The following CDH23 variants were observed in gnomAD, a reference collection of about 807,000 sequenced individuals.
CDH23 encodes cadherin related 23.
A neutral mutation model predicts 317.1 loss-of-function variants in CDH23; 189 were observed. That is an observed-to-expected ratio of 0.60 (90% CI 0.53 to 0.67). The LOEUF is 0.67. Among genes scored for constraint, CDH23 ranks in the 30% least tolerant of loss-of-function variants. CDH23 has a pLI of 0.00. For synonymous variants in CDH23, 1,839 were observed against 1,876.8 expected (o/e 0.98, Z 0.52); for missense variants, 4,401 against 4,592.4 (o/e 0.96, Z 1.20).
At chr10:71,578,420 G>A (rs947849330) in intron 9 of CDH23, among the ~76,000 whole-genome samples, 1 of 152,170 alleles carries the variant, frequency 6.6e-6, no homozygotes, top group Non-Finnish European at 1.5e-5. Flanking sequence ...AACAAACGGA[G>A]CTGCAACTAC....
intron 28 of CDH23, among the ~76,000 whole-genome samples, chr10:71,720,897 G>A (rs1021369959): frequency 6.6e-6 from 1 of 152,218 alleles, no homozygotes; most frequent in African/African-American, 2.4e-5. Context: ...CCTGTGCTGG[G>A]TGGGCAGGGG....
At chr10:71,441,445 A>G (rs1849875510) in intron 2 of CDH23, among the ~76,000 whole-genome samples, 1 of 152,156 alleles carries the variant, frequency 6.6e-6, no homozygotes, top group South Asian at 2.1e-4. Context: ...TTGGCCCGGC[A>G]TGGTGGCTCT....
In CDH23 at chr10:71,740,803, G is replaced by A. The variant is rs1839712910; in HGVS notation, c.4489-19G>A. 2 of 1,613,600 alleles carry A rather than the reference G, an allele frequency of 1.2e-6. No homozygotes were observed. The highest frequency in any genetic ancestry group is 1.7e-6 in the Non-Finnish European group (2 of 1,179,816). ...CCGCCACGCTTTAGCCCTGACTCCA[G>A]TTGCCCTCCTCCTTGCAGGTTGTGG... is the stretch of plus-strand genomic sequence containing the variant. On this transcript the variant is annotated intron_variant, in intron 36 of 69. Transcript: ENST00000224721.
At chr10:71,591,678 G>A (rs1859502870) in intron 9 of CDH23, among the ~76,000 whole-genome samples, 1 of 152,190 alleles carries the variant, frequency 6.6e-6, no homozygotes, top group African/African-American at 2.4e-5. Flanking sequence ...TGGGAGGCTG[G>A]CATCCACATG....
intron 50 of CDH23, among the ~76,000 whole-genome samples, chr10:71,798,871 A>C (rs1265534232): frequency 6.6e-6 from 1 of 152,142 alleles, no homozygotes; most frequent in Non-Finnish European, 1.5e-5. Flanking sequence ...GAGGTGTCTC[A>C]GGTCCTGGGC....
intron 9 of CDH23, among the ~76,000 whole-genome samples, chr10:71,580,460 A>G (rs964720063): frequency 2.6e-5 from 4 of 152,352 alleles, no homozygotes; most frequent in Non-Finnish European, 5.9e-5. Context: ...CACTGCCAGC[A>G]CAGATGTGTC....
intron 9 of CDH23, among the ~76,000 whole-genome samples, chr10:71,608,913 G>T (rs780190811): frequency 3.9e-5 from 6 of 152,200 alleles, no homozygotes; most frequent in Admixed American, 6.5e-5. Flanking sequence ...AAGAGCAGAG[G>T]CAGGACTCAG....
At chr10:71,650,884 G>T (rs909954591) in intron 14 of CDH23, among the ~76,000 whole-genome samples, 2 of 152,228 alleles carry the variant, frequency 1.3e-5, no homozygotes, top group Admixed American at 6.5e-5. Context: ...GGCCTGGCAG[G>T]GTTTGTGGGC....
chr10:71,501,138 G>C (rs760675885), intron 3 of CDH23, among the ~76,000 whole-genome samples: 37 of 152,186 alleles, frequency 2.4e-4, no homozygotes, highest in Admixed American at 1.0e-3. Flanking sequence ...AAAGTGCTGG[G>C]ATTACAAGGC....
At chr10:71,653,573 C>T (rs1021929323) in intron 14 of CDH23, among the ~76,000 whole-genome samples, 1 of 152,228 alleles carries the variant, frequency 6.6e-6, no homozygotes, top group African/African-American at 2.4e-5. Context: ...AACCCCAGTT[C>T]CTCCCTGGTC....
Position 71,566,915 on chromosome 10 carries a change from C to G in CDH23, c.603C>G (p.Tyr201Ter), listed in dbSNP as rs1857438656. The change falls in exon 7 of 70, where the codon TAC (tyrosine) becomes TAG (stop). Residue 201 changes from tyrosine (Y) to a stop codon, truncating the protein, a stop_gained. Transcript: ENST00000224721. LOFTEE classifies it high-confidence loss of function. Reference protein sequence around the residue: ...RELDYETTQAYQLTVNATDQD... With the variant: ...RELDYETTQA ...TGGACTACGAGACCACACAGGCCTA[C>G]CAGCTCACGGTCAACGCCACAGTGA... 1.2e-6 allele frequency: 2 copies of G among 1,613,282 alleles called. No homozygotes were observed. Among genetic ancestry groups the G allele is most frequent in the East Asian group, 2.2e-5 (1 of 44,886 alleles).
chr10:71,440,024 G>C, intron 2 of CDH23, 126 bp downstream of exon 2: 1 of 743,490 alleles, frequency 1.3e-6, no homozygotes, highest in Non-Finnish European at 2.3e-6. Context: ...CTTACTGTGT[G>C]ACTGAGGCAC....
At chr10:71,513,764 GC>G (rs1332606604) in intron 6 of CDH23, among the ~76,000 whole-genome samples, 3 of 152,184 alleles carry the variant, frequency 2.0e-5, no homozygotes, top group Non-Finnish European at 4.4e-5. Flanking sequence ...GTTGAACCCA[GC>G]CCCTTCCAGG....
chr10:71,791,286 C>T lies in CDH23; in HGVS notation c.6204C>T (p.Thr2068=), dbSNP rs1040363804. Residue 2068 remains threonine, a synonymous_variant, in exon 47 of 70, where the codon ACC becomes ACT. Coordinates refer to ENST00000224721, the MANE Select transcript of CDH23 (RefSeq NM_022124.6). ...TILDDNDNRP[T]FSPATLTVHL... ...TGGATGACAATGACAACCGGCCCAC[C>T]TTTAGCCCTGCCACCCTCACTGTCC... 49 of 1,613,838 alleles carry T rather than the reference C, an allele frequency of 3.0e-5. No individual in the cohort carries two copies. Among genetic ancestry groups the T allele is most frequent in the Non-Finnish European group, 4.2e-5 (49 of 1,179,898 alleles).
intron 17 of CDH23, 88 bp from the exon 18 acceptor site, chr10:71,682,357 A>G: frequency 1.3e-6 from 2 of 1,536,906 alleles, no homozygotes; most frequent in Non-Finnish European, 1.8e-6. Flanking sequence ...CATGCCAGCC[A>G]TAACTTCTCT....
intron 6 of CDH23, among the ~76,000 whole-genome samples, chr10:71,558,220 G>A (rs756653572): frequency 1.2e-4 from 18 of 152,012 alleles, no homozygotes; most frequent in Non-Finnish European, 1.8e-4. Flanking sequence ...GGCTGGTCTC[G>A]AACTCCTGAC....
At chr10:71,459,866 T>C (rs1220238006) in intron 3 of CDH23, among the ~76,000 whole-genome samples, 1 of 152,222 alleles carries the variant, frequency 6.6e-6, no homozygotes, top group Non-Finnish European at 1.5e-5. Flanking sequence ...TCTGCAGGGC[T>C]TTCCTAAGTC....
chr10:71,680,684 G>C (rs548095251), intron 17 of CDH23, among the ~76,000 whole-genome samples: 1 of 144,004 alleles, frequency 6.9e-6, no homozygotes, highest in African/African-American at 2.5e-5. Context: ...GGAGGCGGAG[G>C]TTGCAGGGAG....
rs749501038 is a variant in CDH23, at chr10:71,805,875, G to T, written c.7942G>T (p.Val2648Leu). Residue 2648 changes from valine (V) to leucine (L), a missense_variant, in exon 56 of 70, where the codon GTG becomes TTG. By Grantham distance (32) the Val-to-Leu change is conservative. Around this residue, in one of 3 missense-constraint regions of CDH23, gnomAD observed 1,144 missense variants for 1,138.2 expected, o/e 1.01. Transcript: ENST00000224721. ...CAAGGATGAGGGCCTCAACGGGGCG[G>T]TGCGCTACAGCTTCCTGAAGACTGC... ...TDKDEGLNGA[V>L]RYSFLKTAGN... is the part of the protein sequence containing the mutation. The T allele has an allele frequency of 8.7e-6, 14 of 1,613,828 alleles. No individual in the cohort carries two copies. The South Asian group carries it at 1.2e-4, about 14-fold the overall frequency.
Sources: gnomAD v4.1 joint callset for allele counts (sites outside exome capture counted in the v4.1 genomes callset) on GRCh38, gnomAD v4.1.1 for gene constraint, gnomAD v4.1.1 regional missense constraint, MANE v1.5 for transcripts, NCBI Gene and HGNC (gene_info 2026-07-23, HGNC 2026-07-21) for gene names.